PDZRN4: variants seen among roughly 807,000 people sequenced by gnomAD.
The protein encoded by PDZRN4 is PDZ domain-containing RING finger protein 4.
A neutral mutation model predicts 99.0 loss-of-function variants in PDZRN4; 70 were observed. That is an observed-to-expected ratio of 0.71 (90% CI 0.58 to 0.86). PDZRN4 has a LOEUF of 0.86. Among genes scored for constraint, PDZRN4 ranks in the 40% least tolerant of loss-of-function variants. The pLI is 0.00. For synonymous variants in PDZRN4, 551 were observed against 501.6 expected (o/e 1.10, Z -1.32); for missense variants, 1,474 against 1,331.2 (o/e 1.11, Z -1.67).
intron 3 of PDZRN4, among the ~76,000 whole-genome samples, chr12:41,498,982 C>A (rs1938061441): frequency 6.6e-6 from 1 of 151,968 alleles, no homozygotes; most frequent in Non-Finnish European, 1.5e-5. Flanking sequence ...ATAGCATAAT[C>A]AAAGCGTTTA....
At chr12:41,451,176 A>T (rs1462207784) in intron 3 of PDZRN4, among the ~76,000 whole-genome samples, 4 of 40,032 alleles carry the variant, frequency 1.0e-4, no homozygotes, top group South Asian at 8.0e-4. Flanking sequence ...TTTAGATTTA[A>T]AAAAAAAAAA....
At chr12:41,212,147 C>T (rs1950892416) in intron 3 of PDZRN4, among the ~76,000 whole-genome samples, 1 of 151,782 alleles carries the variant, frequency 6.6e-6, no homozygotes, top group Admixed American at 6.6e-5. Context: ...TCTCTGTGGG[C>T]CCTAATTAGA....
intron 3 of PDZRN4, among the ~76,000 whole-genome samples, chr12:41,448,621 T>C (rs1952749375): frequency 6.6e-6 from 1 of 152,172 alleles, no homozygotes. Flanking sequence ...TAGTGAAAAC[T>C]GCATTCACCA....
At chr12:41,522,835 G>T (rs1402324578) in intron 5 of PDZRN4, among the ~76,000 whole-genome samples, 1 of 152,070 alleles carries the variant, frequency 6.6e-6, no homozygotes, top group Non-Finnish European at 1.5e-5. Context: ...AAGGATTCTA[G>T]AAGACTTTCT....
At chr12:41,396,786 T>A (rs935329118) in intron 3 of PDZRN4, among the ~76,000 whole-genome samples, 10 of 152,210 alleles carry the variant, frequency 6.6e-5, no homozygotes, top group Admixed American at 1.3e-4. Context: ...ATGTAAAGAC[T>A]TTTTGATTTC....
At chr12:41,331,792 C>A (rs114156346) in intron 3 of PDZRN4, among the ~76,000 whole-genome samples, 2 of 151,876 alleles carry the variant, frequency 1.3e-5, no homozygotes, top group African/African-American at 4.8e-5. Context: ...GAATGAGAAC[C>A]GAGCAAAGCA....
At chr12:41,330,994 C>T (rs1325690839) in intron 3 of PDZRN4, among the ~76,000 whole-genome samples, 1 of 151,920 alleles carries the variant, frequency 6.6e-6, no homozygotes, top group East Asian at 1.9e-4. Context: ...ACAATTGAGA[C>T]CAAAAAGCTG....
At chr12:41,267,894 T>C (rs981994030) in intron 3 of PDZRN4, among the ~76,000 whole-genome samples, 5 of 152,034 alleles carry the variant, frequency 3.3e-5, no homozygotes, top group Non-Finnish European at 2.9e-5. Flanking sequence ...GTAAGAAAGT[T>C]GCTCTGTTAA....
At chr12:41,446,921 C>T (rs1313098745) in intron 3 of PDZRN4, among the ~76,000 whole-genome samples, 1 of 149,300 alleles carries the variant, frequency 6.7e-6, no homozygotes, top group Non-Finnish European at 1.5e-5. Context: ...TGTTTGATGT[C>T]CAGGATGTAT....
intron 9 of PDZRN4, among the ~76,000 whole-genome samples, chr12:41,570,147 A>G (rs1328079501): frequency 6.6e-6 from 1 of 152,160 alleles, no homozygotes; most frequent in Non-Finnish European, 1.5e-5. Flanking sequence ...GTAACACTAG[A>G]TGCCTCTGAG....
intron 3 of PDZRN4, among the ~76,000 whole-genome samples, chr12:41,301,382 C>A (rs949159397): frequency 6.6e-6 from 1 of 151,882 alleles, no homozygotes; most frequent in East Asian, 1.9e-4. Flanking sequence ...TGTATTATTG[C>A]CATGATGAGG....
chr12:41,473,952 G>A (rs373475016), intron 3 of PDZRN4, among the ~76,000 whole-genome samples: 1 of 152,220 alleles, frequency 6.6e-6, no homozygotes, highest in Non-Finnish European at 1.5e-5. Flanking sequence ...AGCCTTGAAT[G>A]GAGATTTGAA....
chr12:41,463,591 T>A (rs987266400), intron 3 of PDZRN4, among the ~76,000 whole-genome samples: 1 of 152,010 alleles, frequency 6.6e-6, no homozygotes, highest in African/African-American at 2.4e-5. Context: ...TAGGGCACAG[T>A]GCACAGTGTT....
chr12:41,363,072 A>G (rs1278246544), intron 3 of PDZRN4, among the ~76,000 whole-genome samples: 1 of 152,088 alleles, frequency 6.6e-6, no homozygotes, highest in Admixed American at 6.6e-5. Flanking sequence ...GAGAGCATGA[A>G]GTATCACAGG....
intron 3 of PDZRN4, among the ~76,000 whole-genome samples, chr12:41,361,194 G>A (rs145105974): frequency 7.9e-5 from 12 of 152,122 alleles, no homozygotes; most frequent in African/African-American, 2.9e-4. Context: ...TCGCTCAGTA[G>A]AGACAAAAGT....
At chr12:41,520,173 A>C (rs1241373132) in intron 5 of PDZRN4, among the ~76,000 whole-genome samples, 1 of 152,164 alleles carries the variant, frequency 6.6e-6, no homozygotes, top group Non-Finnish European at 1.5e-5. Context: ...TAACTCTTAA[A>C]TATTTGACAA....
intron 3 of PDZRN4, among the ~76,000 whole-genome samples, chr12:41,474,931 A>G (rs1288426111): frequency 6.6e-6 from 1 of 152,214 alleles, no homozygotes; most frequent in Non-Finnish European, 1.5e-5. Flanking sequence ...AGAAATTTGC[A>G]AGGAATATTT....
At chr12:41,479,644 G>A (rs1449144358) in intron 3 of PDZRN4, among the ~76,000 whole-genome samples, 3 of 152,100 alleles carry the variant, frequency 2.0e-5, no homozygotes, top group Non-Finnish European at 2.9e-5. Flanking sequence ...CTTCCTCTCT[G>A]GAAAGATGGT....
At chr12:41,214,284 C>T (rs527620525) in intron 3 of PDZRN4, among the ~76,000 whole-genome samples, 2 of 124,764 alleles carry the variant, frequency 1.6e-5, no homozygotes, top group South Asian at 5.1e-4. Context: ...AAAAAGTTAA[C>T]CAGGCATGGT....
Sources: allele counts gnomAD v4.1 joint callset (sites outside exome capture counted in the v4.1 genomes callset), GRCh38; gene constraint gnomAD v4.1.1; transcripts MANE v1.5; gene names NCBI Gene and HGNC (gene_info 2026-07-23, HGNC 2026-07-21).